POLDIP2: variants seen among roughly 807,000 people sequenced by gnomAD.
POLDIP2 encodes the protein polymerase delta-interacting protein 2.
A neutral mutation model predicts 52.9 loss-of-function variants in POLDIP2; 32 were observed. The ratio of observed to expected loss-of-function variants is 0.61; its 90% CI spans 0.46 to 0.81. The LOEUF is 0.81. Ranked by LOEUF, POLDIP2 falls within the 40% of genes least tolerant of loss-of-function variation. The pLI is 0.00. For synonymous variants in POLDIP2, 183 were observed against 183.0 expected (o/e 1.00, Z 0.00); for missense variants, 371 against 477.3 (o/e 0.78, Z 2.07).
chr17:28,354,679 C>T, intron 2 of POLDIP2, 94 bp from the exon 3 acceptor site: 1 of 763,166 alleles, frequency 1.3e-6, no homozygotes, highest in Admixed American at 2.0e-5. Context: ...GAGGCAACTC[C>T]AGCACAAGGT....
At chr17:28,352,386 C>T (rs995170874) in intron 6 of POLDIP2, among the ~76,000 whole-genome samples, 3 of 151,410 alleles carry the variant, frequency 2.0e-5, no homozygotes, top group Non-Finnish European at 2.9e-5. Flanking sequence ...TACAGGTGCA[C>T]GCCACCACAC....
intron 9 of POLDIP2, among the ~76,000 whole-genome samples, chr17:28,349,683 TG>T (rs5819841): frequency 1 from 152,293 of 152,294 alleles, 76,146 homozygotes; most frequent in Middle Eastern, 1. Context: ...TCACACATGC[TG>T]GCGGGGACCA....
In POLDIP2 at chr17:28,347,993, C is replaced by T; in HGVS notation, c.*124G>A. On this transcript the variant is annotated 3_prime_UTR_variant, in exon 11 of 11. Coordinates refer to ENST00000540200, the MANE Select transcript of POLDIP2 (RefSeq NM_015584.5). ...ATACCACCCCTCCCCACAAAAAGAA[C>T]CCCACAATCAAATTAAGAGACCCAC... is the stretch of plus-strand genomic sequence containing the variant. 1.6e-6 allele frequency: 1 copy of T among 640,012 alleles called. No individual in the cohort carries two copies. Among genetic ancestry groups the T allele is most frequent in the Non-Finnish European group, 2.8e-6 (1 of 358,660 alleles). The allele number at this position is 640,012 out of a possible 1,614,324, so 39.6% of individuals were successfully genotyped here.
intron 10 of POLDIP2, among the ~76,000 whole-genome samples, 181 bp downstream of exon 10, chr17:28,348,902 C>G (rs1907689718): frequency 6.6e-6 from 1 of 152,194 alleles, no homozygotes; most frequent in African/African-American, 2.4e-5. Flanking sequence ...TCACAGGGTA[C>G]TGGGAAACAG....
chr17:28,356,138 T>C (rs528972516), intron 1 of POLDIP2, among the ~76,000 whole-genome samples: 3 of 151,924 alleles, frequency 2.0e-5, no homozygotes, highest in East Asian at 1.9e-4. Context: ...CCTCACACTC[T>C]GCTCAAATGT....
chr17:28,357,307 GCGT>G lies in POLDIP2; in HGVS notation c.139_141del (p.Thr47del). 6.3e-7 allele frequency: 1 copy of G among 1,580,348 alleles called. No homozygotes were observed. The highest frequency in any genetic ancestry group is 1.1e-5 in the South Asian group (1 of 89,438). ...CCTCACCGGGACGAGAGGTGCCTCCGCGTCGTCGTGGTCGACGCTGGCGAGAAG... is the reference window on the plus strand; with the variant it reads ...CCTCACCGGGACGAGAGGTGCCTCCGCGTCGTGGTCGACGCTGGCGAGAAG... On this transcript the variant is annotated inframe_deletion, in exon 1 of 11. Coordinates refer to ENST00000540200, the MANE Select transcript of POLDIP2 (RefSeq NM_015584.5).
Position 28,348,099 on chromosome 17 carries a change from C to A in POLDIP2, c.*18G>T. 1 of 1,497,232 alleles carries A rather than the reference C, an allele frequency of 6.7e-7. No individual in the cohort carries two copies. The highest frequency in any genetic ancestry group is 1.1e-5 in the South Asian group (1 of 88,702). 92.7% of individuals were successfully genotyped at this position (1,497,232 alleles called of 1,614,324 possible). On this transcript the variant is annotated 3_prime_UTR_variant, in exon 11 of 11. Transcript: ENST00000540200. The stretch of plus-strand genomic sequence containing the variant: ...TCTTCCCGGTGACCAAGCCTGGGCA[C>A]TTGGGGCCTCAGCTGGCCTACCAGT...
chr17:28,348,050 C>T lies in POLDIP2; in HGVS notation c.*67G>A. 1.1e-6 allele frequency: 1 copy of T among 894,970 alleles called. No homozygotes were observed. The highest frequency in any genetic ancestry group is 1.9e-6 in the Non-Finnish European group (1 of 536,960). The allele number at this position is 894,970 out of a possible 1,614,324, so 55.4% of individuals were successfully genotyped here. On this transcript the variant is annotated 3_prime_UTR_variant, in exon 11 of 11. Coordinates refer to ENST00000540200, the MANE Select transcript of POLDIP2 (RefSeq NM_015584.5). ...CCATGATGGGGAGAGAAGAGTTCTG[C>T]AGCAATTGTGGGATGAGAGTTGTTC...
intron 9 of POLDIP2, among the ~76,000 whole-genome samples, chr17:28,349,459 CAAAAAAAA>C (rs11357551): frequency 5.5e-4 from 40 of 73,368 alleles, no homozygotes; most frequent in South Asian, 3.0e-3. Context: ...CCCATCTCCA[CAAAAAAAA>C]AAAAAAAAAA....
intron 5 of POLDIP2, 43 bp downstream of exon 5, chr17:28,353,198 A>G (rs1555580341): frequency 2.1e-6 from 2 of 966,974 alleles, no homozygotes; most frequent in Non-Finnish European, 3.3e-6. Flanking sequence ...GAGACACACC[A>G]GACTCCTTCT....
intron 6 of POLDIP2, among the ~76,000 whole-genome samples, chr17:28,352,568 C>G (rs553174282): frequency 7.7e-6 from 1 of 129,912 alleles, no homozygotes; most frequent in African/African-American, 2.9e-5. Context: ...GATGGAGTCT[C>G]GCTCTGTTGC....
intron 10 of POLDIP2, among the ~76,000 whole-genome samples, 185 bp downstream of exon 10, chr17:28,348,898 G>A (rs1486123675): frequency 2.0e-5 from 3 of 152,118 alleles, no homozygotes; most frequent in African/African-American, 7.2e-5. Context: ...CAAATCACAG[G>A]GTACTGGGAA....
At chr17:28,350,692 TGGGCTCCCCCA>T in intron 8 of POLDIP2, 63 bp downstream of exon 8, 1 of 1,556,436 alleles carries the variant, frequency 6.4e-7, no homozygotes, top group Non-Finnish European at 8.8e-7. Context: ...CGTCAGAAGG[TGGGCTCCCCCA>T]CCTCCACCCT....
intron 6 of POLDIP2, 149 bp from the exon 7 acceptor site, chr17:28,351,949 A>C (rs1043632254): frequency 1.5e-6 from 1 of 682,124 alleles, no homozygotes; most frequent in Non-Finnish European, 2.6e-6. Flanking sequence ...TACATGAAGC[A>C]AAAGTTCAGG....
At chr17:28,349,017 C>T in intron 10 of POLDIP2, 66 bp downstream of exon 10, 1 of 1,171,562 alleles carries the variant, frequency 8.5e-7, no homozygotes, top group Non-Finnish European at 1.2e-6. Context: ...TAAGCTCTCA[C>T]TTTTCTGACC....
intron 8 of POLDIP2, 91 bp from the exon 9 acceptor site, chr17:28,350,654 G>A: frequency 6.4e-7 from 1 of 1,564,414 alleles, no homozygotes; most frequent in African/African-American, 1.4e-5. Flanking sequence ...CAACAAAGCT[G>A]ACACATGCAC....
chr17:28,357,469 C>A lies in POLDIP2; in HGVS notation c.-21G>T, dbSNP rs1224801641. 20 of 1,427,602 alleles carry A rather than the reference C, an allele frequency of 1.4e-5. No individual in the cohort carries two copies. The highest frequency in any genetic ancestry group is 1.8e-5 in the Non-Finnish European group (20 of 1,104,088). 88.4% of individuals were successfully genotyped at this position (1,427,602 alleles called of 1,614,324 possible). ...GCCATGTCCCGCCCGAGCGCCCGCC[C>A]GGCTGCTGACACAGAGCCCGACCCG... is the stretch of plus-strand genomic sequence containing the variant. On this transcript the variant is annotated 5_prime_UTR_variant, in exon 1 of 11. Coordinates refer to ENST00000540200, the MANE Select transcript of POLDIP2 (RefSeq NM_015584.5).
chr17:28,351,602 T>C, intron 7 of POLDIP2, 62 bp downstream of exon 7: 2 of 1,527,234 alleles, frequency 1.3e-6, no homozygotes, highest in African/African-American at 1.4e-5. Context: ...GGCAGTCACC[T>C]TAAGGACACC....
intron 7 of POLDIP2, 75 bp downstream of exon 7, chr17:28,351,589 C>T: frequency 7.2e-7 from 1 of 1,387,656 alleles, no homozygotes; most frequent in African/African-American, 1.4e-5. Flanking sequence ...ACTCCCTTCC[C>T]CCGGCAGTCA....
Sources: allele counts gnomAD v4.1 joint callset (sites outside exome capture counted in the v4.1 genomes callset), GRCh38; gene constraint gnomAD v4.1.1; transcripts MANE v1.5; gene names NCBI Gene and HGNC (gene_info 2026-07-23, HGNC 2026-07-21).